HNRNPA2B1: variants seen among roughly 807,000 people sequenced by gnomAD.
HNRNPA2B1 encodes heterogeneous nuclear ribonucleoprotein A2/B1.
A neutral mutation model predicts 46.3 loss-of-function variants in HNRNPA2B1; 3 were observed. That is an observed-to-expected ratio of 0.06 (90% confidence interval 0.03 to 0.17). The LOEUF is 0.17. Ranked by LOEUF, HNRNPA2B1 falls within the 10% of genes least tolerant of loss-of-function variation. The pLI is 1.00. For synonymous variants in HNRNPA2B1, 225 were observed against 133.8 expected (o/e 1.68, Z -4.70); for missense variants, 221 against 418.9 (o/e 0.53, Z 4.12).
Position 26,196,382 on chromosome 7 carries a change from CG to C in HNRNPA2B1, c.658+18del. ...TAAAAGCACACTCATCCTTTAAACA[CG>C]TAGAACTTGAAACTCACCAGATCCT... On this transcript the variant is annotated intron_variant, in intron 6 of 10. Coordinates refer to ENST00000618183, the MANE Select transcript of HNRNPA2B1 (RefSeq NM_002137.4). 1 of 1,589,958 alleles carries C rather than the reference CG, an allele frequency of 6.3e-7. No individual in the cohort carries two copies.
chr7:26,198,089 T>A, intron 1 of HNRNPA2B1: 1 of 378,078 alleles, frequency 2.6e-6, no homozygotes, highest in Non-Finnish European at 4.6e-6. Flanking sequence ...AAAGGATTAT[T>A]AAAGAATCTT....
intron 1 of HNRNPA2B1, 171 bp downstream of exon 1, chr7:26,200,401 G>T: frequency 2.8e-6 from 2 of 720,070 alleles, no homozygotes; most frequent in Non-Finnish European, 5.0e-6. Flanking sequence ...GAAGCTGTTT[G>T]TACGCTCAGG....
chr7:26,196,752 T>TA, intron 4 of HNRNPA2B1, 55 bp downstream of exon 4: 16 of 1,566,060 alleles, frequency 1.0e-5, no homozygotes, highest in Non-Finnish European at 1.4e-5. Context: ...GATGTTAACA[T>TA]ACACAAAATT....
At position 26,190,179 on chromosome 7, in the gene HNRNPA2B1, ATC is replaced by A. The variant is rs1347188443; in HGVS notation, c.*2179_*2180del. On this transcript the variant is annotated 3_prime_UTR_variant, in exon 11 of 11. Transcript: ENST00000618183. Reference sequence around the variant, plus strand: ...ACTTTATATTTAAAATAGAATTGTAATCTGTCTACTCACAAAACCTAATTTAA... The same window carrying A: ...ACTTTATATTTAAAATAGAATTGTAATGTCTACTCACAAAACCTAATTTAA... 1 of 152,634 alleles carries A rather than the reference ATC, an allele frequency of 6.6e-6. No homozygotes were observed. The highest frequency in any genetic ancestry group is 2.4e-5 in the African/African-American group (1 of 41,452). 9.5% of individuals were successfully genotyped at this position (152,634 alleles called of 1,614,324 possible). A position where few individuals can be genotyped will look rare whatever the true frequency, so the allele number is the denominator to read the frequency against.
intron 1 of HNRNPA2B1, chr7:26,198,047 G>A (rs1783859035): frequency 2.5e-5 from 11 of 433,208 alleles, no homozygotes; most frequent in Middle Eastern, 5.8e-4. Flanking sequence ...AACTTTCTAA[G>A]GAAAAATAAA....
rs1215301699 is a variant in HNRNPA2B1, at chr7:26,196,492, T to C, written c.578-11A>G. 6.2e-7 allele frequency: 1 copy of C among 1,613,948 alleles called. No homozygotes were observed. The highest frequency in any genetic ancestry group is 1.3e-5 in the African/African-American group (1 of 74,920). On this transcript the variant is annotated splice_polypyrimidine_tract_variant and intron_variant, in intron 5 of 10. Transcript: ENST00000618183. The stretch of plus-strand genomic sequence containing the variant: ...CAAAGCCAAAGTTGCCTACAATAAA[T>C]GCCCCAGTTAGAAGCAAGCCCTTAT...
intron 1 of HNRNPA2B1, chr7:26,200,216 C>G (rs1784245905): frequency 3.2e-6 from 1 of 311,606 alleles, no homozygotes; most frequent in Non-Finnish European, 6.1e-6. Context: ...TGCTGCCCGC[C>G]GAAACGCTCG....
chr7:26,197,049 A>G (rs772632629), intron 3 of HNRNPA2B1, 32 bp from the exon 4 acceptor site: 2 of 1,518,730 alleles, frequency 1.3e-6, no homozygotes, highest in Non-Finnish European at 1.8e-6. Context: ...AGTCATCCAA[A>G]CAGAAAAAAA....
Position 26,197,453 on chromosome 7 carries a change from C to T in HNRNPA2B1, c.126G>A (p.Arg42=). 6.2e-7 allele frequency: 1 copy of T among 1,613,530 alleles called. No individual in the cohort carries two copies. The highest frequency in any genetic ancestry group is 8.5e-7 in the Non-Finnish European group (1 of 1,179,782). The change falls in exon 3 of 11, where the codon AGG becomes AGA. Residue 42 remains arginine, a synonymous_variant. Coordinates refer to ENST00000618183, the MANE Select transcript of HNRNPA2B1 (RefSeq NM_002137.4). ...CTCTTGATCTTTTGCTTGCAGGATCCCTCATTACCTTTCAAACCAAAGGGT... is the reference window on the plus strand; with the variant it reads ...CTCTTGATCTTTTGCTTGCAGGATCTCTCATTACCTTTCAAACCAAAGGGT... ...WGKLTDCVVM[R]DPASKRSRGF... is the part of the protein sequence containing the mutation.
chr7:26,192,723 C>A (rs1783040256), intron 9 of HNRNPA2B1, 146 bp from the exon 10 acceptor site: 1 of 692,938 alleles, frequency 1.4e-6, no homozygotes, highest in South Asian at 1.8e-5. Context: ...CAGAATTACT[C>A]AGGAGATAAA....
intron 1 of HNRNPA2B1, 49 bp from the exon 2 acceptor site, chr7:26,197,781 T>C (rs757094015): frequency 1.9e-6 from 3 of 1,596,116 alleles, no homozygotes; most frequent in Admixed American, 1.7e-5. Flanking sequence ...TTCCTCTTTG[T>C]ATGCAGGAAA....
rs754016775 is a variant in HNRNPA2B1 at position 26,195,921 on chromosome 7, C to CA, written c.659-13dup. On this transcript the variant is annotated splice_polypyrimidine_tract_variant and intron_variant, in intron 6 of 10. Coordinates refer to ENST00000618183, the MANE Select transcript of HNRNPA2B1 (RefSeq NM_002137.4). ...ACTGCCATATCCATCTGTTAGGGGCCAAAAAAAGATTACGTTTACTATAAA... is the reference window on the plus strand; with the variant it reads ...ACTGCCATATCCATCTGTTAGGGGCCAAAAAAAAGATTACGTTTACTATAAA... 61 of 1,595,758 alleles carry CA rather than the reference C, an allele frequency of 3.8e-5. No individual in the cohort carries two copies. Among genetic ancestry groups the CA allele is most frequent in the Non-Finnish European group, 5.0e-5 (59 of 1,174,926 alleles).
In HNRNPA2B1 at chr7:26,190,628, C is replaced by CATAT. The variant is rs1297331736; in HGVS notation, c.*1728_*1731dup. On this transcript the variant is annotated 3_prime_UTR_variant, in exon 11 of 11. Transcript: ENST00000618183. ...AATAAAGCCGGGCAATCAAACTGAT[C>CATAT]ATATCTAAGGAATGAATTTCAACAG... The CATAT allele has an allele frequency of 6.6e-6, 1 of 152,182 alleles. No homozygotes were observed. Among genetic ancestry groups the CATAT allele is most frequent in the East Asian group, 1.9e-4 (1 of 5,200 alleles). 9.4% of individuals were successfully genotyped at this position (152,182 alleles called of 1,614,324 possible). A position where few individuals can be genotyped will look rare whatever the true frequency, so the allele number is the denominator to read the frequency against.
chr7:26,198,034 AAAAACTTTCTAAGGAAAAAT>A (rs1352262223), intron 1 of HNRNPA2B1: 2 of 440,464 alleles, frequency 4.5e-6, no homozygotes, highest in Non-Finnish European at 7.9e-6. Flanking sequence ...TAATTAAAAA[AAAAACTTTCTAAGGAAAAAT>A]AAACAAATGT....
intron 7 of HNRNPA2B1, among the ~76,000 whole-genome samples, chr7:26,194,663 A>AG (rs1447474467): frequency 1.3e-5 from 2 of 152,094 alleles, no homozygotes; most frequent in African/African-American, 2.4e-5. Context: ...ACTGCACTCC[A>AG]GTCTGAGCAA....
chr7:26,197,579 G>A (rs569093992), intron 2 of HNRNPA2B1, 43 bp downstream of exon 2: 13 of 1,564,164 alleles, frequency 8.3e-6, no homozygotes, highest in South Asian at 6.7e-5. Context: ...TTAACATACA[G>A]CTAAAAGACT....
chr7:26,194,977 C>T (rs551858587), intron 7 of HNRNPA2B1, among the ~76,000 whole-genome samples: 5 of 151,006 alleles, frequency 3.3e-5, no homozygotes, highest in South Asian at 2.1e-4. Context: ...GCCGGTAATC[C>T]CAGCTACTCA....
Position 26,190,006 on chromosome 7 carries a change from A to G in HNRNPA2B1, c.*2354T>C, listed in dbSNP as rs534372777. ...CTCTTCTCATTTACCTGTTAATATT[A>G]AAATATGCATAGCTTTGTGAAACTG... On this transcript the variant is annotated 3_prime_UTR_variant, in exon 11 of 11. Transcript: ENST00000618183. 6.6e-6 allele frequency: 1 copy of G among 152,504 alleles called. No homozygotes were observed. Among genetic ancestry groups the G allele is most frequent in the South Asian group, 2.1e-4 (1 of 4,834 alleles). 9.4% of individuals were successfully genotyped at this position (152,504 alleles called of 1,614,324 possible).
chr7:26,196,856 G>C lies in HNRNPA2B1; in HGVS notation c.426C>G (p.Gly142=). The C allele has an allele frequency of 6.2e-7, 1 of 1,613,970 alleles. No homozygotes were observed. The highest frequency in any genetic ancestry group is 1.3e-5 in the African/African-American group (1 of 75,036). The part of the protein sequence containing the change: ...ITDRQSGKKR[G]FGFVTFDDHD... The stretch of plus-strand genomic sequence containing the variant: ...GGTCATCAAAAGTAACAAAGCCAAA[G>C]CCTCTTTTCTTTCCAGACTGCCTAT... The change falls in exon 4 of 11, where the codon GGC becomes GGG. Residue 142 remains glycine (G), a synonymous_variant. Coordinates refer to ENST00000618183, the MANE Select transcript of HNRNPA2B1 (RefSeq NM_002137.4).
Sources: allele counts gnomAD v4.1 joint callset (sites outside exome capture counted in the v4.1 genomes callset), GRCh38; gene constraint gnomAD v4.1.1; transcripts MANE v1.5; gene names NCBI Gene and HGNC (gene_info 2026-07-23, HGNC 2026-07-21).